Variants in PRDM10 observed in about 807,000 individuals in gnomAD.
The protein encoded by PRDM10 is PR domain zinc finger protein 10.
In PRDM10, 65 loss-of-function variants were observed where a neutral mutation model predicts 133.1. That is an observed-to-expected ratio of 0.49 (90% CI 0.40 to 0.60). The LOEUF (loss-of-function observed/expected upper bound fraction) is 0.60, where lower values mean the gene tolerates loss of function less well. Ranked by LOEUF, PRDM10 falls within the 20% of genes least tolerant of loss-of-function variation. The probability of loss-of-function intolerance (pLI) is 0.00; values close to 1 mark genes in which losing one functional copy is unlikely to be tolerated. For synonymous variants in PRDM10, 582 were observed against 580.4 expected (o/e 1.00, Z -0.04); for missense variants, 1,137 against 1,507.1 (o/e 0.75, Z 4.07).
chr11:129,980,861 G>GTTTTT (rs60735364), intron 1 of PRDM10, among the ~76,000 whole-genome samples: 1 of 102,128 alleles, frequency 9.8e-6, no homozygotes, highest in Non-Finnish European at 1.9e-5. Context: ...GACATTTCTG[G>GTTTTT]TTTTTTTTTT....
At chr11:129,975,094 G>A (rs1937679827) in intron 1 of PRDM10, among the ~76,000 whole-genome samples, 1 of 152,168 alleles carries the variant, frequency 6.6e-6, no homozygotes, top group Non-Finnish European at 1.5e-5. Flanking sequence ...GGGTGATGGT[G>A]ATGGGTGCAC....
intron 3 of PRDM10, among the ~76,000 whole-genome samples, chr11:129,956,555 C>T (rs912146516): frequency 7.2e-5 from 11 of 152,094 alleles, no homozygotes; most frequent in African/African-American, 2.4e-4. Flanking sequence ...CAGAGCAAGA[C>T]TCTGTCTCAA....
chr11:129,918,605 T>A lies in PRDM10; in HGVS notation c.2148A>T (p.Thr716=). The change falls in exon 14 of 21, where the codon ACA becomes ACT. Residue 716 remains threonine, a synonymous_variant. Coordinates refer to ENST00000360871, the MANE Select transcript of PRDM10 (RefSeq NM_199437.2). This position sits in a 1 kb window ranked among gnomAD's most constrained non-coding sequence, Gnocchi z 5.3. The part of the protein sequence containing the change: ...SKTFKPRITS[T]DYDSFTFKCR... ...ACTTGAACGTGAAGCTGTCGTAGTC[T>A]GTGGACGTGATGCGGGGCTTGAACG... The A allele has an allele frequency of 1.9e-6, 3 of 1,614,234 alleles. No individual in the cohort carries two copies. The highest frequency in any genetic ancestry group is 2.2e-5 in the East Asian group (1 of 44,880).
intron 11 of PRDM10, among the ~76,000 whole-genome samples, chr11:129,926,186 C>G (rs1950672814): frequency 6.6e-6 from 1 of 152,134 alleles, no homozygotes; most frequent in Non-Finnish European, 1.5e-5. Flanking sequence ...TAAATTCATG[C>G]AATTGTTATA....
At chr11:129,995,854 G>A (rs1057188852) in intron 1 of PRDM10, among the ~76,000 whole-genome samples, 1 of 152,128 alleles carries the variant, frequency 6.6e-6, no homozygotes, top group Admixed American at 6.6e-5. Flanking sequence ...GCTGAGGCAG[G>A]AGAATCACTT....
intron 1 of PRDM10, 134 bp downstream of exon 1, chr11:130,002,588 C>G (rs1413547158): frequency 6.5e-6 from 1 of 153,040 alleles, no homozygotes; most frequent in Non-Finnish European, 1.5e-5. Context: ...CGGTTGGCCC[C>G]GGCCGGGCTC....
chr11:129,993,113 G>A (rs917583651), intron 1 of PRDM10, among the ~76,000 whole-genome samples: 3 of 152,190 alleles, frequency 2.0e-5, no homozygotes, highest in Non-Finnish European at 4.4e-5. Context: ...AGTCCCTACT[G>A]TTCAACATCC....
Position 129,900,132 on chromosome 11 carries a change from C to T in PRDM10, c.*2181G>A, listed in dbSNP as rs1949804667. 2 of 152,476 alleles carry T rather than the reference C, an allele frequency of 1.3e-5. No individual in the cohort carries two copies. Among genetic ancestry groups the T allele is most frequent in the South Asian group, 4.1e-4 (2 of 4,834 alleles). The allele number at this position is 152,476 out of a possible 1,614,324, so 9.4% of individuals were successfully genotyped here. ...GTCTTGAGAGAGGCCACAATATCCA[C>T]ACTGGCTACATACATGTTTTCCAAA... On this transcript the variant is annotated 3_prime_UTR_variant, in exon 21 of 21. Transcript: ENST00000360871.
At chr11:129,922,028 T>TA (rs1950536196) in intron 13 of PRDM10, among the ~76,000 whole-genome samples, 1 of 152,152 alleles carries the variant, frequency 6.6e-6, no homozygotes, top group African/African-American at 2.4e-5. Flanking sequence ...TCTGTGGGCA[T>TA]ACTGCTGACT....
chr11:129,925,109 C>G lies in PRDM10; in HGVS notation c.1651G>C (p.Glu551Gln), dbSNP rs1950636130. Residue 551 changes from glutamate to glutamine, a missense_variant, in exon 12 of 21, where the codon GAG becomes CAG. Physicochemically the swap from Glu to Gln is conservative, Grantham distance 29. Coordinates refer to ENST00000360871, the MANE Select transcript of PRDM10 (RefSeq NM_199437.2). ...TCACAGGTCAGTGGGCAGTTCCCCT[C>G]CCGCCCATGGAAGCGTAAGTGCTGG... ...LDQHLRFHGR[E>Q]GNCPLTCDLC... 6.2e-7 allele frequency: 1 copy of G among 1,614,096 alleles called. No homozygotes were observed. Among genetic ancestry groups the G allele is most frequent in the African/African-American group, 1.3e-5 (1 of 74,946 alleles).
At chr11:130,001,908 C>G (rs1444090561) in intron 1 of PRDM10, among the ~76,000 whole-genome samples, 2 of 151,598 alleles carry the variant, frequency 1.3e-5, no homozygotes, top group Non-Finnish European at 1.5e-5. Flanking sequence ...AGCCCCGACG[C>G]GGTGCCACGG....
chr11:129,960,988 C>G lies in PRDM10; in HGVS notation c.-24G>C. ...ATCTTCTCCCAACTGGACAGCTCCACGTCTGGCACACCTAGAGCAGCACAG... is the reference window on the plus strand; with the variant it reads ...ATCTTCTCCCAACTGGACAGCTCCAGGTCTGGCACACCTAGAGCAGCACAG... On this transcript the variant is annotated 5_prime_UTR_variant, in exon 2 of 21. Transcript: ENST00000360871. 1 of 1,612,724 alleles carries G rather than the reference C, an allele frequency of 6.2e-7. No homozygotes were observed. The highest frequency in any genetic ancestry group is 2.2e-5 in the East Asian group (1 of 44,870).
chr11:129,967,071 A>G (rs1277795828), intron 1 of PRDM10, among the ~76,000 whole-genome samples: 1 of 152,220 alleles, frequency 6.6e-6, no homozygotes, highest in Non-Finnish European at 1.5e-5. Context: ...TTCAATAAGT[A>G]TATAATTAAA....
At position 129,945,490 on chromosome 11, in the gene PRDM10, A is replaced by AT. The variant is rs1328853216; in HGVS notation, c.521-479dup. On this transcript the variant is annotated intron_variant, in intron 5 of 20. Transcript: ENST00000360871. This position sits in a 1 kb window ranked among gnomAD's most constrained non-coding sequence, Gnocchi z 4.2. Reference sequence around the variant, plus strand: ...TCTCAAAGGGAGTTACAGAAGTCTTATATCTCAGCCTAACTCAAACGGAAA... The same window carrying AT: ...TCTCAAAGGGAGTTACAGAAGTCTTATTATCTCAGCCTAACTCAAACGGAAA... Among the ~76,000 whole-genome samples, 4 of 152,230 alleles carry AT rather than the reference A, an allele frequency of 2.6e-5. No individual in the cohort carries two copies. Among genetic ancestry groups the AT allele is most frequent in the Non-Finnish European group, 4.4e-5 (3 of 68,042 alleles).
intron 20 of PRDM10, 65 bp downstream of exon 20, chr11:129,905,573 G>A (rs1949988770): frequency 8.5e-7 from 1 of 1,181,472 alleles, no homozygotes; most frequent in African/African-American, 1.5e-5. Context: ...GATAAGTGGT[G>A]ATAAGAGTTA....
intron 2 of PRDM10, among the ~76,000 whole-genome samples, chr11:129,959,174 C>G (rs1951751126): frequency 6.6e-6 from 1 of 152,116 alleles, no homozygotes; most frequent in African/African-American, 2.4e-5. Flanking sequence ...AATTTAATCC[C>G]CAGAAGGAAA....
intron 19 of PRDM10, among the ~76,000 whole-genome samples, chr11:129,907,897 C>T (rs764357135): frequency 6.6e-5 from 10 of 150,816 alleles, no homozygotes; most frequent in South Asian, 2.1e-4. Context: ...TCAAAACCAG[C>T]CTGGGCAACA....
chr11:129,987,607 T>C (rs917695364), intron 1 of PRDM10, among the ~76,000 whole-genome samples: 3 of 152,178 alleles, frequency 2.0e-5, no homozygotes, highest in African/African-American at 7.2e-5. Context: ...AGTGGCATTA[T>C]TCATAATAGC....
chr11:129,970,383 C>T (rs765425767), intron 1 of PRDM10, among the ~76,000 whole-genome samples: 7 of 152,118 alleles, frequency 4.6e-5, no homozygotes, highest in Non-Finnish European at 1.0e-4. Flanking sequence ...AGCTAGGAAG[C>T]AGAGGAGCTA....
Sources: gnomAD v4.1 joint callset for allele counts (sites outside exome capture counted in the v4.1 genomes callset) on GRCh38, gnomAD v4.1.1 for gene constraint, Gnocchi (gnomAD v3.1) non-coding constraint, MANE v1.5 for transcripts, NCBI Gene and HGNC (gene_info 2026-07-23, HGNC 2026-07-21) for gene names.